Variants in TLN2 observed in about 807,000 individuals in gnomAD.
TLN2 encodes talin-2.
TLN2 carries 118 observed loss-of-function variants against 294.7 expected under a neutral mutation model. That is an observed-to-expected ratio of 0.40 (90% confidence interval 0.34 to 0.47). The LOEUF (loss-of-function observed/expected upper bound fraction) is 0.47. Among genes scored for constraint, TLN2 ranks in the 20% least tolerant of loss-of-function variants. The pLI, the probability that TLN2 is intolerant of heterozygous loss-of-function variation, is 0.84. For synonymous variants in TLN2, 1,431 were observed against 1,304.5 expected, an observed-to-expected ratio of 1.10 and a Z score of -2.09; for missense variants, 3,083 against 3,282.2, an observed-to-expected ratio of 0.94 and a Z score of 1.48.
At chr15:62,465,389 C>A (rs909770188) in intron 1 of TLN2, among the ~76,000 whole-genome samples, 2 of 152,072 alleles carry the variant, frequency 1.3e-5, no homozygotes, top group African/African-American at 4.8e-5. Flanking sequence ...TTTCAGAGAA[C>A]GAGTGTGATG....
intron 1 of TLN2, among the ~76,000 whole-genome samples, chr15:62,465,105 T>A (rs2037043311): frequency 8.3e-4 from 3 of 3,616 alleles, no homozygotes; most frequent in Non-Finnish European, 3.4e-3. Context: ...GGTGAGCGCG[T>A]TTTTTTTTTT....
chr15:62,825,779 AT>A (rs1373073034), intron 54 of TLN2, among the ~76,000 whole-genome samples: 1 of 19,468 alleles, frequency 5.1e-5, no homozygotes, highest in African/African-American at 1.4e-4. Context: ...ATTATATAAT[AT>A]ATTATATATT....
chr15:62,710,629 C>G (rs972518037), intron 21 of TLN2, among the ~76,000 whole-genome samples: 6 of 149,548 alleles, frequency 4.0e-5, no homozygotes, highest in Non-Finnish European at 5.9e-5. Flanking sequence ...GCACATTTGT[C>G]AAAAACCAGG....
intron 3 of TLN2, among the ~76,000 whole-genome samples, chr15:62,628,454 T>A (rs2049479329): frequency 6.6e-6 from 1 of 152,282 alleles, no homozygotes; most frequent in South Asian, 2.1e-4. Context: ...AGGACTTCCA[T>A]AACGTTTTGT....
chr15:62,707,210 C>T lies in TLN2; in HGVS notation c.2129C>T (p.Thr710Ile). The T allele has an allele frequency of 2.5e-6, 4 of 1,613,694 alleles. No individual in the cohort carries two copies. Among genetic ancestry groups the T allele is most frequent in the Non-Finnish European group, 3.4e-6 (4 of 1,179,778 alleles). Reference protein sequence around the residue: ...VLQNRVIAAATQCALSTSQLV... With the variant: ...VLQNRVIAAAIQCALSTSQLV... Reference sequence around the variant, plus strand: ...CAGAACAGGGTAATTGCTGCTGCCACCCAGTGTGCCCTCTCCACCTCCCAG... The same window carrying T: ...CAGAACAGGGTAATTGCTGCTGCCATCCAGTGTGCCCTCTCCACCTCCCAG... Residue 710 changes from threonine (T) to isoleucine (I), a missense_variant, in exon 20 of 59, where the codon ACC becomes ATC. By Grantham distance (89) the Thr-to-Ile change is moderately conservative. Coordinates refer to ENST00000636159, the MANE Select transcript of TLN2 (RefSeq NM_015059.3).
intron 1 of TLN2, among the ~76,000 whole-genome samples, chr15:62,391,035 C>A (rs986344204): frequency 6.6e-6 from 1 of 152,376 alleles, no homozygotes; most frequent in African/African-American, 2.4e-5. Flanking sequence ...CCCTCCGGGG[C>A]TCTCGCTGGG....
intron 3 of TLN2, among the ~76,000 whole-genome samples, chr15:62,625,072 G>A (rs1398925569): frequency 6.6e-6 from 1 of 152,192 alleles, no homozygotes; most frequent in East Asian, 1.9e-4. Flanking sequence ...GTGTGTTATT[G>A]TGCTGGAAGT....
chr15:62,394,687 C>G (rs2032380908), intron 1 of TLN2, among the ~76,000 whole-genome samples: 1 of 152,160 alleles, frequency 6.6e-6, no homozygotes. Context: ...CCTCAATAAC[C>G]TGGAGAAAGG....
At chr15:62,567,054 G>A (rs1025654004) in intron 1 of TLN2, among the ~76,000 whole-genome samples, 1 of 152,152 alleles carries the variant, frequency 6.6e-6, no homozygotes, top group African/African-American at 2.4e-5. Context: ...ACATAGTTAC[G>A]ATCATAAGTA....
intron 26 of TLN2, among the ~76,000 whole-genome samples, chr15:62,723,863 T>C (rs1403251996): frequency 6.6e-6 from 1 of 151,908 alleles, no homozygotes; most frequent in Non-Finnish European, 1.5e-5. Context: ...TTTTTTAATA[T>C]GCAGCATAAG....
At chr15:62,620,083 C>T (rs898184136) in intron 3 of TLN2, among the ~76,000 whole-genome samples, 2 of 152,168 alleles carry the variant, frequency 1.3e-5, no homozygotes, top group Non-Finnish European at 2.9e-5. Context: ...TCAAGCAATC[C>T]TCCCACCTCA....
intron 11 of TLN2, among the ~76,000 whole-genome samples, chr15:62,676,771 C>T (rs1189819312): frequency 6.6e-6 from 1 of 152,192 alleles, no homozygotes; most frequent in African/African-American, 2.4e-5. Flanking sequence ...CATGCTGCCA[C>T]ACCCGGCTGA....
At chr15:62,712,114 C>T in intron 22 of TLN2, 37 bp downstream of exon 22, 4 of 1,597,626 alleles carry the variant, frequency 2.5e-6, no homozygotes, top group East Asian at 2.2e-5. Context: ...AAAGTGAACA[C>T]TATTAAGTGT....
intron 3 of TLN2, among the ~76,000 whole-genome samples, chr15:62,645,906 C>A (rs1489091749): frequency 6.6e-6 from 1 of 152,084 alleles, no homozygotes; most frequent in Non-Finnish European, 1.5e-5. Flanking sequence ...AAGAAAAAAG[C>A]GTTTGTGATA....
chr15:62,503,145 A>G (rs1355347121), intron 1 of TLN2, among the ~76,000 whole-genome samples: 1 of 152,236 alleles, frequency 6.6e-6, no homozygotes, highest in East Asian at 1.9e-4. Context: ...AGCCATTAAA[A>G]TATATGTACA....
chr15:62,553,411 G>C (rs2042431938), intron 1 of TLN2, among the ~76,000 whole-genome samples: 1 of 152,134 alleles, frequency 6.6e-6, no homozygotes, highest in African/African-American at 2.4e-5. Context: ...CTTGAACCCA[G>C]GAGGCGGAGG....
chr15:62,535,044 AG>A, intron 1 of TLN2, among the ~76,000 whole-genome samples: 1 of 152,262 alleles, frequency 6.6e-6, no homozygotes, highest in African/African-American at 2.4e-5. Context: ...ATTTGCTGCT[AG>A]GTATGGTATC....
intron 3 of TLN2, chr15:62,640,336 C>A (rs187020501): frequency 9.0e-5 from 41 of 456,468 alleles, no homozygotes; most frequent in African/African-American, 8.0e-4. Flanking sequence ...GAGGCCTTCC[C>A]AGGAGGTCAC....
At chr15:62,535,989 A>G (rs552771486) in intron 1 of TLN2, among the ~76,000 whole-genome samples, 12 of 152,326 alleles carry the variant, frequency 7.9e-5, no homozygotes, top group Admixed American at 5.9e-4. Context: ...GTTTTCACAA[A>G]TGTACTTTTG....
Sources: allele counts gnomAD v4.1 joint callset (sites outside exome capture counted in the v4.1 genomes callset), GRCh38; gene constraint gnomAD v4.1.1; transcripts MANE v1.5; gene names NCBI Gene and HGNC (gene_info 2026-07-23, HGNC 2026-07-21).